COL7A1: variants seen among roughly 807,000 people sequenced by gnomAD.
COL7A1 encodes collagen type VII alpha 1 chain, also known as collagen alpha-1(VII) chain.
In COL7A1, 296 loss-of-function variants were observed where a neutral mutation model predicts 456.2. That is an observed-to-expected ratio of 0.65 (90% CI 0.59 to 0.71). The LOEUF (loss-of-function observed/expected upper bound fraction) is 0.71, where lower values mean the gene tolerates loss of function less well. COL7A1 is among the 30% of genes least tolerant of loss of function. COL7A1 has a pLI of 0.00. For missense variants in COL7A1, 3,441 were observed against 4,017.2 expected (o/e 0.86, Z 3.88); for synonymous variants, 1,464 against 1,525.9 (o/e 0.96, Z 0.95).
In COL7A1 at chr3:48,575,503, C is replaced by T. The variant is rs2107675136; in HGVS notation, c.6016G>A (p.Gly2006Ser). 1 of 1,612,640 alleles carries T rather than the reference C, an allele frequency of 6.2e-7. No homozygotes were observed. Among genetic ancestry groups the T allele is most frequent in the Non-Finnish European group, 8.5e-7 (1 of 1,179,848 alleles). ...TGAGGGCCAGGGTCTCCACGGTCGCCCTTCAGCCCGCGTTCTCCAGGAAAG... is the reference window on the plus strand; with the variant it reads ...TGAGGGCCAGGGTCTCCACGGTCGCTCTTCAGCCCGCGTTCTCCAGGAAAG... Reference protein sequence around the residue: ...IGFPGERGLKGDRGDPGPQGP... With the variant: ...IGFPGERGLKSDRGDPGPQGP... The change falls in exon 74 of 119, where the codon GGC becomes AGC. Residue 2006 changes from glycine (G) to serine (S), a missense_variant. Physicochemically the swap from Gly to Ser is moderately conservative, Grantham distance 56. Coordinates refer to ENST00000681320, the MANE Select transcript of COL7A1 (RefSeq NM_000094.4). The surrounding 1 kb of genome is among the most constrained non-coding windows in gnomAD (Gnocchi z 6.3).
Position 48,567,223 on chromosome 3 carries a change from C to T in COL7A1, c.8047-33G>A, listed in dbSNP as rs1364781812. 6.8e-6 allele frequency: 11 copies of T among 1,611,922 alleles called. No homozygotes were observed. Among genetic ancestry groups the T allele is most frequent in the Non-Finnish European group, 9.3e-6 (11 of 1,179,066 alleles). On this transcript the variant is annotated intron_variant, in intron 109 of 118. Coordinates refer to ENST00000681320, the MANE Select transcript of COL7A1 (RefSeq NM_000094.4). The surrounding 1 kb of genome is among the most constrained non-coding windows in gnomAD (Gnocchi z 4.3). Reference sequence around the variant, plus strand: ...CAGAAGAAGCATGAGAGACCTTCTGCCCTGACCTCCCTCAGCTCTGGAACC... The same window carrying T: ...CAGAAGAAGCATGAGAGACCTTCTGTCCTGACCTCCCTCAGCTCTGGAACC...
rs202102923 is a variant in COL7A1 at position 48,578,427 on chromosome 3, G to A, written c.5487+26C>T. The A allele has an allele frequency of 2.5e-6, 4 of 1,613,360 alleles. No individual in the cohort carries two copies. The African/African-American group carries it at 4.0e-5, about 16-fold the overall frequency. ...GGGTGAGGGTAGTAAGGGGGAAAAG[G>A]GGGTAACATGAAAGTCTGGTCTCAC... On this transcript the variant is annotated intron_variant, in intron 64 of 118. Coordinates refer to ENST00000681320, the MANE Select transcript of COL7A1 (RefSeq NM_000094.4). This position sits in a 1 kb window ranked among gnomAD's most constrained non-coding sequence, Gnocchi z 4.7.
rs2044105804 is a variant in COL7A1 at position 48,573,916 on chromosome 3, C to T, written c.6502-26G>A. 1 of 1,612,142 alleles carries T rather than the reference C, an allele frequency of 6.2e-7. No homozygotes were observed. The highest frequency in any genetic ancestry group is 1.3e-5 in the African/African-American group (1 of 74,842). On this transcript the variant is annotated intron_variant, in intron 80 of 118. Transcript: ENST00000681320. This position sits in a 1 kb window ranked among gnomAD's most constrained non-coding sequence, Gnocchi z 5.5. ...CTACATAGAGAGGGCACTGATGAGC[C>T]TCAATCTGGGCCTCACTTGGGCCTG...
In COL7A1 at chr3:48,581,312, C is replaced by G; in HGVS notation, c.4847G>C (p.Gly1616Ala). 6.2e-7 allele frequency: 1 copy of G among 1,613,616 alleles called. No individual in the cohort carries two copies. The highest frequency in any genetic ancestry group is 8.5e-7 in the Non-Finnish European group (1 of 1,179,922). Residue 1616 changes from glycine (G) to alanine (A), a missense_variant, in exon 52 of 119, where the codon GGA becomes GCA. Physicochemically the swap from Gly to Ala is moderately conservative, Grantham distance 60. Coordinates refer to ENST00000681320, the MANE Select transcript of COL7A1 (RefSeq NM_000094.4). The surrounding 1 kb of genome is among the most constrained non-coding windows in gnomAD (Gnocchi z 5.8). ...TGGGGGGCCAGGCCGCCCAGGGTCT[C>G]CCTTCTCTCCAGGAGGCCCTGAGTC... is the stretch of plus-strand genomic sequence containing the variant. ...PGDSGPPGEKGDPGRPGPPGP... is the reference protein window; with the variant it reads ...PGDSGPPGEKADPGRPGPPGP...
At position 48,570,085 on chromosome 3, in the gene COL7A1, G is replaced by A. The variant is rs1457642851; in HGVS notation, c.7485+49C>T. ...AGAGTCCTGGGGTACAAAGGGCACA[G>A]GCAGGGGACTGAAGTCACAGCACTG... On this transcript the variant is annotated intron_variant, in intron 99 of 118. Coordinates refer to ENST00000681320, the MANE Select transcript of COL7A1 (RefSeq NM_000094.4). The surrounding 1 kb of genome is among the most constrained non-coding windows in gnomAD (Gnocchi z 5.5). The A allele has an allele frequency of 1.2e-6, 2 of 1,610,680 alleles. No individual in the cohort carries two copies. Among genetic ancestry groups the A allele is most frequent in the Admixed American group, 1.7e-5 (1 of 60,014 alleles).
In COL7A1 at chr3:48,576,714, G is replaced by GC; in HGVS notation, c.5661dup (p.Pro1888AlafsTer27). The GC allele has an allele frequency of 1.2e-6, 2 of 1,610,308 alleles. No individual in the cohort carries two copies. Among genetic ancestry groups the GC allele is most frequent in the Non-Finnish European group, 1.7e-6 (2 of 1,178,708 alleles). The stretch of plus-strand genomic sequence containing the variant: ...CCCACTGGCCCTGGGAGGCCTGGAG[G>GC]CCCCTGGGGTCCAAGGATACCAGGA... On this transcript the variant is annotated frameshift_variant, in exon 68 of 119. Transcript: ENST00000681320. LOFTEE classifies it high-confidence loss of function.
chr3:48,567,428 T>C lies in COL7A1; in HGVS notation c.8046+146A>G. On this transcript the variant is annotated intron_variant, in intron 109 of 118. Coordinates refer to ENST00000681320, the MANE Select transcript of COL7A1 (RefSeq NM_000094.4). The surrounding 1 kb of genome is among the most constrained non-coding windows in gnomAD (Gnocchi z 4.3). ...AACTCCACTGTGACCCCAACCCACC[T>C]TGACACCTCGAGACCAGCCCCACTT... 8.3e-7 allele frequency: 1 copy of C among 1,197,852 alleles called. No individual in the cohort carries two copies. Among genetic ancestry groups the C allele is most frequent in the South Asian group, 1.2e-5 (1 of 80,474 alleles). The allele number at this position is 1,197,852 out of a possible 1,614,324, so 74.2% of individuals were successfully genotyped here.
Position 48,591,815 on chromosome 3 carries a change from C to T in COL7A1, c.1365G>A (p.Glu455=). Residue 455 remains glutamate (E), a synonymous_variant, in exon 12 of 119, where the codon GAG becomes GAA. Coordinates refer to ENST00000681320, the MANE Select transcript of COL7A1 (RefSeq NM_000094.4). This position sits in a 1 kb window ranked among gnomAD's most constrained non-coding sequence, Gnocchi z 7.0. ...RLEWRRETGL[E]PPQKVVLPSD... ...AGGGCAGTACCACCTTCTGCGGTGG[C>T]TCCAAGCCTGCAAGATAACAGGGTC... 1 of 1,614,180 alleles carries T rather than the reference C, an allele frequency of 6.2e-7. No individual in the cohort carries two copies. The highest frequency in any genetic ancestry group is 8.5e-7 in the Non-Finnish European group (1 of 1,180,018).
chr3:48,570,838 A>G lies in COL7A1; in HGVS notation c.7272+23T>C. On this transcript the variant is annotated intron_variant, in intron 95 of 118. Coordinates refer to ENST00000681320, the MANE Select transcript of COL7A1 (RefSeq NM_000094.4). The surrounding 1 kb of genome is among the most constrained non-coding windows in gnomAD (Gnocchi z 5.5). ...CCCACCATGGATTCACCATGCCCCTACATGCTGTTCCCAGCCCCTCACCCG... is the reference window on the plus strand; with the variant it reads ...CCCACCATGGATTCACCATGCCCCTGCATGCTGTTCCCAGCCCCTCACCCG... 6.3e-7 allele frequency: 1 copy of G among 1,595,810 alleles called. No individual in the cohort carries two copies. Among genetic ancestry groups the G allele is most frequent in the Non-Finnish European group, 8.5e-7 (1 of 1,171,262 alleles).
intron 65 of COL7A1, 150 bp from the exon 66 acceptor site, chr3:48,577,177 G>T: frequency 1.8e-6 from 2 of 1,093,154 alleles, no homozygotes; most frequent in East Asian, 2.5e-5. Context: ...GTGGCCGTCT[G>T]AGTGAGCTGC....
intron 18 of COL7A1, 105 bp from the exon 19 acceptor site, chr3:48,589,100 C>G: frequency 6.3e-7 from 1 of 1,588,666 alleles, no homozygotes; most frequent in Non-Finnish European, 8.6e-7. Flanking sequence ...TTAGTGTGGA[C>G]AGGTCACTTT....
At position 48,571,654 on chromosome 3, in the gene COL7A1, CA is replaced by C; in HGVS notation, c.7068+346del. ...TGGCCACAGGCTGAACGCTGGCAGC[CA>C]GGGGCAGGGGAAAGGAGGATTGTAA... On this transcript the variant is annotated intron_variant, in intron 92 of 118. Transcript: ENST00000681320. The surrounding 1 kb of genome is among the most constrained non-coding windows in gnomAD (Gnocchi z 4.6). 1 of 653,474 alleles carries C rather than the reference CA, an allele frequency of 1.5e-6. No homozygotes were observed. Among genetic ancestry groups the C allele is most frequent in the South Asian group, 1.5e-5 (1 of 65,646 alleles). 40.5% of individuals were successfully genotyped at this position (653,474 alleles called of 1,614,324 possible).
Position 48,581,896 on chromosome 3 carries a change from C to A in COL7A1, c.4668+15G>T, listed in dbSNP as rs1340669998. The A allele has an allele frequency of 6.2e-7, 1 of 1,614,074 alleles. No homozygotes were observed. Among genetic ancestry groups the A allele is most frequent in the Non-Finnish European group, 8.5e-7 (1 of 1,180,032 alleles). On this transcript the variant is annotated intron_variant, in intron 48 of 118. Transcript: ENST00000681320. The surrounding 1 kb of genome is among the most constrained non-coding windows in gnomAD (Gnocchi z 5.8). ...AACCCTGTAGAAACCTCCCCTTGCC[C>A]CATACCAGGCTTACCTTTTCTCCTT...
rs1348389126 is a variant in COL7A1 at position 48,567,490 on chromosome 3, G to A, written c.8046+84C>T. The A allele has an allele frequency of 1.3e-6, 2 of 1,578,054 alleles. No individual in the cohort carries two copies. Among genetic ancestry groups the A allele is most frequent in the Non-Finnish European group, 1.7e-6 (2 of 1,148,356 alleles). ...GTCCCAACCCTCTACAGCCTTCCTT[G>A]TCCCTACACCCCCATGACCCGACCA... On this transcript the variant is annotated intron_variant, in intron 109 of 118. Transcript: ENST00000681320. The surrounding 1 kb of genome is among the most constrained non-coding windows in gnomAD (Gnocchi z 4.3).
In COL7A1 at chr3:48,583,027, G is replaced by C. The variant is rs1394307903; in HGVS notation, c.4504C>G (p.Pro1502Ala). The C allele has an allele frequency of 2.5e-6, 4 of 1,614,026 alleles. No individual in the cohort carries two copies. The highest frequency in any genetic ancestry group is 3.4e-6 in the Non-Finnish European group (4 of 1,179,982). ...AGTGGGTTTACCCGGGATCCCGCTG[G>C]GCCTGGGGGTCCACGTTCGCCCTGA... ...GEKGERGPPGPAGSRGLPGVA... is the reference protein window; with the variant it reads ...GEKGERGPPGAAGSRGLPGVA... Residue 1502 changes from proline (P) to alanine (A), a missense_variant, in exon 44 of 119, where the codon CCA (proline) becomes GCA (alanine). Pro to Ala is a conservative substitution (Grantham distance 27). Around this residue, in one of 3 missense-constraint regions of COL7A1, gnomAD observed 2,084 missense variants for 2,501.3 expected, o/e 0.83. Coordinates refer to ENST00000681320, the MANE Select transcript of COL7A1 (RefSeq NM_000094.4). The surrounding 1 kb of genome is among the most constrained non-coding windows in gnomAD (Gnocchi z 5.1).
In COL7A1 at chr3:48,586,269, C is replaced by T; in HGVS notation, c.3551-23G>A. On this transcript the variant is annotated intron_variant, in intron 27 of 118. Transcript: ENST00000681320. The surrounding 1 kb of genome is among the most constrained non-coding windows in gnomAD (Gnocchi z 5.1). ...GCCCTAAGGTGGGGTCCAGTGGCTG[C>T]ATGATAGCCTTTTCAGGGCCACCCC... The T allele has an allele frequency of 6.2e-7, 1 of 1,613,692 alleles. No individual in the cohort carries two copies.
chr3:48,591,665 G>T lies in COL7A1; in HGVS notation c.1507+8C>A. On this transcript the variant is annotated splice_region_variant and intron_variant, in intron 12 of 118. Transcript: ENST00000681320. This position sits in a 1 kb window ranked among gnomAD's most constrained non-coding sequence, Gnocchi z 7.0. ...CCCACTCACTGGCCCAGCCCACAGA[G>T]CCCTCACCAGTGGGAACCACGGTTG... The T allele has an allele frequency of 4.3e-6, 7 of 1,613,922 alleles. No individual in the cohort carries two copies. Among genetic ancestry groups the T allele is most frequent in the African/African-American group, 1.3e-5 (1 of 75,050 alleles).
Position 48,591,660 on chromosome 3 carries a change from A to G in COL7A1, c.1507+13T>C, listed in dbSNP as rs2045710356. On this transcript the variant is annotated intron_variant, in intron 12 of 118. Transcript: ENST00000681320. The surrounding 1 kb of genome is among the most constrained non-coding windows in gnomAD (Gnocchi z 7.0). ...CCTCCCCCACTCACTGGCCCAGCCCACAGAGCCCTCACCAGTGGGAACCAC... is the reference window on the plus strand; with the variant it reads ...CCTCCCCCACTCACTGGCCCAGCCCGCAGAGCCCTCACCAGTGGGAACCAC... 1 of 1,613,900 alleles carries G rather than the reference A, an allele frequency of 6.2e-7. No homozygotes were observed.
Position 48,564,294 on chromosome 3 carries a change from C to G in COL7A1, c.*112G>C, listed in dbSNP as rs1343485300. The G allele has an allele frequency of 3.1e-6, 4 of 1,304,534 alleles. No homozygotes were observed. The East Asian group carries it at 9.4e-5, about 31-fold the overall frequency. 80.8% of individuals were successfully genotyped at this position (1,304,534 alleles called of 1,614,324 possible). A position where few individuals can be genotyped will look rare whatever the true frequency, so the allele number is the denominator to read the frequency against. On this transcript the variant is annotated 3_prime_UTR_variant, in exon 119 of 119. Coordinates refer to ENST00000681320, the MANE Select transcript of COL7A1 (RefSeq NM_000094.4). This position sits in a 1 kb window ranked among gnomAD's most constrained non-coding sequence, Gnocchi z 6.0. ...AAGTCACTGAAATAACGGACGTGCA[C>G]ACGCACGCTCACGTGCACACAAGCC...
Sources: gnomAD v4.1 joint callset for allele counts on GRCh38, gnomAD v4.1.1 for gene constraint, gnomAD v4.1.1 regional missense constraint, Gnocchi (gnomAD v3.1) non-coding constraint, MANE v1.5 for transcripts, NCBI Gene and HGNC (gene_info 2026-07-23, HGNC 2026-07-21) for gene names.